The following CEMIP variants were observed in gnomAD, a reference collection of about 807,000 sequenced individuals.
CEMIP encodes cell migration inducing hyaluronidase 1.
CEMIP carries 105 observed loss-of-function variants against 156.9 expected under a neutral mutation model. That is an observed-to-expected ratio of 0.67 (90% CI 0.57 to 0.79). The LOEUF is 0.79. CEMIP is among the 30% of genes least tolerant of loss of function. The probability of loss-of-function intolerance (pLI) is 0.00; values close to 1 mark genes in which losing one functional copy is unlikely to be tolerated. For synonymous variants in CEMIP, 676 were observed against 668.4 expected (o/e 1.01, Z -0.17); for missense variants, 1,457 against 1,769.4 (o/e 0.82, Z 3.17).
chr15:80,826,335 A>G (rs1006484543), intron 1 of CEMIP, among the ~76,000 whole-genome samples: 4 of 152,284 alleles, frequency 2.6e-5, no homozygotes, highest in African/African-American at 7.2e-5. Flanking sequence ...CCTGGTGCAT[A>G]GTAACCTTTA....
chr15:80,839,331 T>TGTGTGTGTGTGTGTGTGTGTGTG (rs1596124534), intron 1 of CEMIP, among the ~76,000 whole-genome samples: 2 of 150,940 alleles, frequency 1.3e-5, no homozygotes, highest in Admixed American at 6.6e-5. Context: ...TGTGTGTGTG[T>TGTGTGTGTGTGTGTGTGTGTGTG]TTAATTTGTG....
intron 26 of CEMIP, 42 bp downstream of exon 26, chr15:80,942,095 G>T (rs749938169): frequency 6.3e-7 from 1 of 1,589,900 alleles, no homozygotes. Flanking sequence ...TTGCCGTCCA[G>T]TCGGGCCTAG....
At chr15:80,901,874 C>G (rs1387489114) in intron 12 of CEMIP, among the ~76,000 whole-genome samples, 1 of 152,152 alleles carries the variant, frequency 6.6e-6, no homozygotes, top group Non-Finnish European at 1.5e-5. Flanking sequence ...AACAGCTGAG[C>G]CAGGATTTCA....
intron 10 of CEMIP, among the ~76,000 whole-genome samples, chr15:80,892,227 G>T (rs1899055647): frequency 6.6e-6 from 1 of 152,168 alleles, no homozygotes; most frequent in Non-Finnish European, 1.5e-5. Context: ...GGGCCAGGGA[G>T]TGTCAAGGAC....
At chr15:80,882,264 T>C (rs2141830717) in intron 6 of CEMIP, among the ~76,000 whole-genome samples, 1 of 152,348 alleles carries the variant, frequency 6.6e-6, no homozygotes, top group Admixed American at 6.5e-5. Flanking sequence ...TGTTCATCAC[T>C]TTACCTGTCA....
chr15:80,808,268 G>T (rs1252129242), intron 1 of CEMIP, among the ~76,000 whole-genome samples: 1 of 152,240 alleles, frequency 6.6e-6, no homozygotes, highest in Admixed American at 6.5e-5. Flanking sequence ...AGGCAGACCT[G>T]ATGCTGGGGA....
At position 80,779,616 on chromosome 15, in the gene CEMIP, T is replaced by A. The variant is rs990573926; in HGVS notation, c.-176+2T>A. The stretch of plus-strand genomic sequence containing the variant: ...ACTGTCTCGGCTACAGACCCAGAGG[T>A]AAGAGGGCCTGGCTGGGGGCGTCAG... On this transcript the variant is annotated splice_donor_variant, in intron 1 of 29. Coordinates refer to ENST00000394685, the MANE Select transcript of CEMIP (RefSeq NM_001293298.2). LOFTEE classifies it low-confidence loss of function (5UTR_SPLICE). 1.3e-5 allele frequency: 2 copies of A among 151,484 alleles called. No individual in the cohort carries two copies. Among genetic ancestry groups the A allele is most frequent in the African/African-American group, 4.9e-5 (2 of 41,218 alleles). 9.4% of individuals were successfully genotyped at this position (151,484 alleles called of 1,614,324 possible).
chr15:80,800,691 T>C lies in CEMIP; in HGVS notation c.-176+21077T>C, dbSNP rs1440894920. ...TGAGGGAATCTTTTGAAAACCTTAC[T>C]TTAGATCAGAGTTAGAGAAGAAATT... On this transcript the variant is annotated intron_variant, in intron 1 of 29. Coordinates refer to ENST00000394685, the MANE Select transcript of CEMIP (RefSeq NM_001293298.2). 2.6e-5 allele frequency among the ~76,000 whole-genome samples: 4 copies of C among 152,222 alleles called. No individual in the cohort carries two copies. The East Asian group carries it at 5.8e-4, about 22-fold the overall frequency.
chr15:80,905,087 T>C (rs922697597), intron 12 of CEMIP, among the ~76,000 whole-genome samples: 9 of 152,176 alleles, frequency 5.9e-5, no homozygotes, highest in Admixed American at 4.6e-4. Flanking sequence ...AGTCAGCTCT[T>C]CCTGTGGAGG....
chr15:80,875,942 G>C (rs143947401), intron 3 of CEMIP, among the ~76,000 whole-genome samples: 1 of 152,226 alleles, frequency 6.6e-6, no homozygotes, highest in Non-Finnish European at 1.5e-5. Flanking sequence ...GCTGGGATGT[G>C]TGCTCACACA....
At chr15:80,934,366 A>G (rs1901037019) in intron 23 of CEMIP, among the ~76,000 whole-genome samples, 1 of 152,232 alleles carries the variant, frequency 6.6e-6, no homozygotes, top group Admixed American at 6.5e-5. Flanking sequence ...CAGTGGCCAC[A>G]TGAGGGACAG....
chr15:80,824,778 G>T (rs985856265), intron 1 of CEMIP, among the ~76,000 whole-genome samples: 2 of 152,178 alleles, frequency 1.3e-5, no homozygotes, highest in East Asian at 3.8e-4. Context: ...TCTTGTCTTT[G>T]ATTCTTCCCA....
chr15:80,837,177 C>T (rs1897287886), intron 1 of CEMIP, among the ~76,000 whole-genome samples: 1 of 152,216 alleles, frequency 6.6e-6, no homozygotes, highest in Non-Finnish European at 1.5e-5. Context: ...CCAGGCCCTC[C>T]TCAGTTATCT....
At chr15:80,785,220 C>G (rs968089132) in intron 1 of CEMIP, among the ~76,000 whole-genome samples, 5 of 152,166 alleles carry the variant, frequency 3.3e-5, no homozygotes, top group African/African-American at 9.7e-5. Flanking sequence ...TTTCATCTAA[C>G]TCTGGCTCCA....
intron 1 of CEMIP, among the ~76,000 whole-genome samples, chr15:80,844,874 C>T (rs1369912328): frequency 6.6e-6 from 1 of 152,192 alleles, no homozygotes; most frequent in Non-Finnish European, 1.5e-5. Context: ...GCCCCAGCCC[C>T]AGGGTGCCCA....
intron 1 of CEMIP, among the ~76,000 whole-genome samples, chr15:80,803,726 C>T (rs1044576033): frequency 3.3e-5 from 5 of 152,190 alleles, no homozygotes; most frequent in African/African-American, 7.2e-5. Flanking sequence ...TAATCTGTGG[C>T]GTGGAAGAGA....
chr15:80,853,637 GA>G (rs1897766847), intron 1 of CEMIP, among the ~76,000 whole-genome samples: 1 of 152,190 alleles, frequency 6.6e-6, no homozygotes, highest in African/African-American at 2.4e-5. Context: ...ACTTGAGAGA[GA>G]AGATCAAAAC....
intron 1 of CEMIP, among the ~76,000 whole-genome samples, chr15:80,816,554 G>A (rs2141640972): frequency 6.6e-6 from 1 of 152,190 alleles, no homozygotes; most frequent in African/African-American, 2.4e-5. Context: ...CTTGTCCTCT[G>A]GGAAGCCCTC....
At chr15:80,781,723 T>C (rs1317113067) in intron 1 of CEMIP, among the ~76,000 whole-genome samples, 1 of 152,220 alleles carries the variant, frequency 6.6e-6, no homozygotes, top group Admixed American at 6.5e-5. Flanking sequence ...TTTGTGCCTG[T>C]TTGCTGATAT....
Sources: allele counts gnomAD v4.1 joint callset (sites outside exome capture counted in the v4.1 genomes callset), GRCh38; gene constraint gnomAD v4.1.1; transcripts MANE v1.5; gene names NCBI Gene and HGNC (gene_info 2026-07-23, HGNC 2026-07-21).